FKBP10: variants seen among roughly 807,000 people sequenced by gnomAD.
FKBP10 encodes FKBP prolyl isomerase 10.
In FKBP10, 34 loss-of-function variants were observed where a neutral mutation model predicts 53.7. The ratio of observed to expected loss-of-function variants is 0.63; its 90% CI spans 0.48 to 0.84. The LOEUF is 0.84. Ranked by LOEUF, FKBP10 falls within the 40% of genes least tolerant of loss-of-function variation. The probability of loss-of-function intolerance (pLI) is 0.00; values close to 1 mark genes in which losing one functional copy is unlikely to be tolerated. For missense variants in FKBP10, 748 were observed against 797.8 expected (o/e 0.94, Z 0.75); for synonymous variants, 324 against 335.7 (o/e 0.97, Z 0.38).
At chr17:41,814,026 C>G (rs782325520) in intron 1 of FKBP10, among the ~76,000 whole-genome samples, 6 of 152,170 alleles carry the variant, frequency 3.9e-5, no homozygotes, top group Non-Finnish European at 7.3e-5. Context: ...AAGGTGGCCT[C>G]CTGGTCTGAC....
At chr17:41,815,738 A>C (rs1240769697) in intron 1 of FKBP10, among the ~76,000 whole-genome samples, 1 of 149,850 alleles carries the variant, frequency 6.7e-6, no homozygotes, top group Non-Finnish European at 1.5e-5. Context: ...TACAGGCGTG[A>C]GCCACTGCGC....
chr17:41,813,115 G>C lies in FKBP10; in HGVS notation c.81G>C (p.Val27=). The change falls in exon 1 of 10, where the codon GTG becomes GTC. Residue 27 remains valine (V), a synonymous_variant. Coordinates refer to ENST00000321562, the MANE Select transcript of FKBP10 (RefSeq NM_021939.4). The part of the protein sequence containing the change: ...LQLLLLVVQA[V]GRGLGRASPA... The stretch of plus-strand genomic sequence containing the variant: ...TGCTGCTACTGGTGGTGCAGGCCGT[G>C]GGGAGGGGGCTGGGCCGCGCCAGCC... 1 of 1,611,464 alleles carries C rather than the reference G, an allele frequency of 6.2e-7. No individual in the cohort carries two copies. The highest frequency in any genetic ancestry group is 8.5e-7 in the Non-Finnish European group (1 of 1,179,718).
chr17:41,819,726 T>A (rs1555616709), intron 6 of FKBP10, 51 bp downstream of exon 6: 2 of 1,565,738 alleles, frequency 1.3e-6, no homozygotes, highest in South Asian at 1.2e-5. Context: ...AACTGCCCAT[T>A]GTGTCTAGGC....
At chr17:41,820,210 AC>A in intron 6 of FKBP10, 58 bp from the exon 7 acceptor site, 1 of 1,559,602 alleles carries the variant, frequency 6.4e-7, no homozygotes, top group East Asian at 2.2e-5. Context: ...CCATGGAGAG[AC>A]CTCAAGTAGC....
Position 41,818,583 on chromosome 17 carries a change from C to T in FKBP10, c.727+56C>T, listed in dbSNP as rs1472354826. ...TCCGCAGAAGAGGGAAAAACCAGGC[C>T]TCCACATACAGTTGCTCAGGTTGTA... On this transcript the variant is annotated intron_variant, in intron 4 of 9. Transcript: ENST00000321562. 5.6e-6 allele frequency: 9 copies of T among 1,608,406 alleles called. 1 individual carries two copies. In the Middle Eastern group the frequency reaches 4.9e-4, roughly 88 times the overall value.
chr17:41,817,233 TGGA>T, intron 2 of FKBP10, 30 bp downstream of exon 2: 1 of 1,607,776 alleles, frequency 6.2e-7, no homozygotes, highest in South Asian at 1.1e-5. Context: ...AGGCCGGGGG[TGGA>T]GGAGACCACG....
Position 41,822,865 on chromosome 17 carries a change from TG to T in FKBP10, c.*459del, listed in dbSNP as rs1448732598. 1 of 265,778 alleles carries T rather than the reference TG, an allele frequency of 3.8e-6. No homozygotes were observed. Among genetic ancestry groups the T allele is most frequent in the Non-Finnish European group, 7.3e-6 (1 of 136,476 alleles). 16.5% of individuals were successfully genotyped at this position (265,778 alleles called of 1,614,324 possible). ...CTCTGCCTTCCTCCCCAATCCTGAC[TG>T]GCTCCTAGGGAAGGGGAAGGCTCCT... On this transcript the variant is annotated 3_prime_UTR_variant, in exon 10 of 10. Coordinates refer to ENST00000321562, the MANE Select transcript of FKBP10 (RefSeq NM_021939.4).
chr17:41,819,544 A>G lies in FKBP10; in HGVS notation c.932A>G (p.His311Arg). The G allele has an allele frequency of 6.2e-7, 1 of 1,614,000 alleles. No individual in the cohort carries two copies. The highest frequency in any genetic ancestry group is 1.7e-5 in the Admixed American group (1 of 60,006). Residue 311 changes from histidine to arginine, a missense_variant, in exon 6 of 10, where the codon CAC becomes CGC. By Grantham distance (29) the His-to-Arg change is conservative (BLOSUM62 0). Coordinates refer to ENST00000321562, the MANE Select transcript of FKBP10 (RefSeq NM_021939.4). ...TLFDSSYSRN[H>R]TYNTYIGQGY... The stretch of plus-strand genomic sequence containing the variant: ...TTGTATTGCAGCTACTCCCGCAACC[A>G]CACCTACAATACCTATATCGGGCAG...
intron 8 of FKBP10, 72 bp from the exon 9 acceptor site, chr17:41,821,582 G>A: frequency 1.3e-6 from 2 of 1,578,732 alleles, no homozygotes; most frequent in South Asian, 2.3e-5. Flanking sequence ...CCTGTGGGCT[G>A]GGAAACAGTG....
At chr17:41,820,006 G>T (rs782743057) in intron 6 of FKBP10, 1 of 1,507,472 alleles carries the variant, frequency 6.6e-7, no homozygotes, top group East Asian at 2.5e-5. Context: ...AAGTGGGCAA[G>T]CCATGCTGAT....
At position 41,819,376 on chromosome 17, in the gene FKBP10, G is replaced by A. The variant is rs375198487; in HGVS notation, c.894G>A (p.Met298Ile). 6.2e-7 allele frequency: 1 copy of A among 1,614,094 alleles called. No homozygotes were observed. The highest frequency in any genetic ancestry group is 8.5e-7 in the Non-Finnish European group (1 of 1,180,018). Residue 298 changes from methionine to isoleucine, a missense_variant, in exon 5 of 10, where the codon ATG becomes ATA. By Grantham distance (10) the Met-to-Ile change is conservative (BLOSUM62 1). Coordinates refer to ENST00000321562, the MANE Select transcript of FKBP10 (RefSeq NM_021939.4). ...FMRYHYNGSL[M>I]DGTLFDSSYS... ...GCTACCACTACAATGGCTCCTTGAT[G>A]GACGGCACCCTCTTCGATTCCAGGT... is the stretch of plus-strand genomic sequence containing the variant.
chr17:41,819,796 C>T, intron 6 of FKBP10, 121 bp downstream of exon 6: 1 of 1,541,458 alleles, frequency 6.5e-7, no homozygotes, highest in Non-Finnish European at 8.8e-7. Context: ...CAAAAACATG[C>T]ATGCAGCTTA....
At chr17:41,821,410 A>T (rs1167766969) in intron 8 of FKBP10, among the ~76,000 whole-genome samples, 1 of 152,148 alleles carries the variant, frequency 6.6e-6, no homozygotes, top group Non-Finnish European at 1.5e-5. Flanking sequence ...ATCATGAGCC[A>T]CTGCGCTCGG....
At chr17:41,817,821 G>T (rs1567854180) in intron 2 of FKBP10, among the ~76,000 whole-genome samples, 1 of 151,756 alleles carries the variant, frequency 6.6e-6, no homozygotes, top group Admixed American at 6.6e-5. Flanking sequence ...TAGAGATGGG[G>T]TTTCGCCATG....
chr17:41,820,825 C>A, intron 7 of FKBP10, 122 bp from the exon 8 acceptor site: 1 of 1,398,900 alleles, frequency 7.1e-7, no homozygotes. Context: ...CTGCGTGGCC[C>A]AAGTCACCAG....
At position 41,813,131 on chromosome 17, in the gene FKBP10, C is replaced by T. The variant is rs1555615678; in HGVS notation, c.97C>T (p.Arg33Cys). Reference protein sequence around the residue: ...VVQAVGRGLGRASPAGGPLED... With the variant: ...VVQAVGRGLGCASPAGGPLED... Reference sequence around the variant, plus strand: ...GCAGGCCGTGGGGAGGGGGCTGGGCCGCGCCAGCCCGGCCGGGGGCCCCCT... The same window carrying T: ...GCAGGCCGTGGGGAGGGGGCTGGGCTGCGCCAGCCCGGCCGGGGGCCCCCT... The change falls in exon 1 of 10, where the codon CGC becomes TGC. Residue 33 changes from arginine (R) to cysteine (C), a missense_variant. Transcript: ENST00000321562. The T allele has an allele frequency of 1.2e-6, 2 of 1,611,516 alleles. No individual in the cohort carries two copies. Among genetic ancestry groups the T allele is most frequent in the African/African-American group, 1.3e-5 (1 of 74,896 alleles).
chr17:41,816,752 C>T (rs1555616112), intron 1 of FKBP10, among the ~76,000 whole-genome samples: 1 of 152,218 alleles, frequency 6.6e-6, no homozygotes. Context: ...TCCCCACTTG[C>T]TGTCAGCAAA....
At chr17:41,815,765 C>G (rs1456752647) in intron 1 of FKBP10, among the ~76,000 whole-genome samples, 1 of 122,164 alleles carries the variant, frequency 8.2e-6, no homozygotes, top group African/African-American at 3.0e-5. Context: ...AGAAAACTTT[C>G]TTAACCCATG....
At chr17:41,820,535 C>T (rs1293122658) in intron 7 of FKBP10, 74 bp downstream of exon 7, 22 of 1,481,018 alleles carry the variant, frequency 1.5e-5, no homozygotes, top group East Asian at 1.4e-4. Context: ...AGTGCACCCC[C>T]GACGCCTGCT....
Sources: allele counts gnomAD v4.1 joint callset (sites outside exome capture counted in the v4.1 genomes callset), GRCh38; gene constraint gnomAD v4.1.1; transcripts MANE v1.5; gene names NCBI Gene and HGNC (gene_info 2026-07-23, HGNC 2026-07-21).